Variants in FANCB observed in about 807,000 individuals in gnomAD.
The protein encoded by FANCB is Fanconi anemia group B protein.
In FANCB, 5 loss-of-function variants were observed where a neutral mutation model predicts 38.9. That is an observed-to-expected ratio of 0.13 (90% CI 0.07 to 0.27). The LOEUF (loss-of-function observed/expected upper bound fraction) is 0.27. Among genes scored for constraint, FANCB ranks in the 10% least tolerant of loss-of-function variants. The pLI, the probability that FANCB is intolerant of heterozygous loss-of-function variation, is 1.00. For missense variants in FANCB, 573 were observed against 602.7 expected (o/e 0.95, Z 0.52); for synonymous variants, 236 against 215.4 (o/e 1.10, Z -0.84).
At chrX:14,854,423 T>C (rs2092414961) in intron 5 of FANCB, among the ~76,000 whole-genome samples, 1 of 111,725 alleles carries the variant, frequency 9.0e-6, no homozygotes, top group East Asian at 2.8e-4. Flanking sequence ...GCTGTGAAGT[T>C]TTGCTATAAA....
the FANCB span, among the ~76,000 whole-genome samples, chrX:14,697,480 A>G: frequency 5.5e-4 from 58 of 106,234 alleles, 1 homozygote; most frequent in Non-Finnish European, 2.5e-4. Flanking sequence ...AAATAATAAT[A>G]ATCACTACTA....
chrX:14,779,769 T>C, the FANCB span, among the ~76,000 whole-genome samples: 9 of 110,862 alleles, frequency 8.1e-5, no homozygotes, highest in Non-Finnish European at 1.7e-4. Flanking sequence ...TAGTGGAAGA[T>C]AAGGTCTGAG....
the FANCB span, among the ~76,000 whole-genome samples, chrX:14,727,461 T>C: frequency 8.9e-6 from 1 of 112,113 alleles, no homozygotes. Context: ...TTCACACTGG[T>C]TGAGATCTAA....
chrX:14,842,532 C>T (rs73439489), downstream of FANCB, among the ~76,000 whole-genome samples: 1,041 of 111,842 alleles, frequency 9.3e-3, 5 homozygotes, highest in African/African-American at 0.031. Flanking sequence ...TTTCTCCTGA[C>T]GTTCTCTTAT....
At chrX:14,744,545 A>G in the FANCB span, among the ~76,000 whole-genome samples, 1 of 111,997 alleles carries the variant, frequency 8.9e-6, no homozygotes, top group Non-Finnish European at 1.9e-5. Context: ...ATGAACATTC[A>G]ATTTAAAAGA....
the FANCB span, among the ~76,000 whole-genome samples, chrX:14,791,511 T>C: frequency 1.8e-5 from 2 of 111,915 alleles, no homozygotes; most frequent in African/African-American, 6.5e-5. Context: ...CCGTTTGTGG[T>C]ACTTTGTAAC....
Position 14,865,480 on chromosome X carries a change from C to T in FANCB, c.31G>A (p.Glu11Lys), listed in dbSNP as rs370199124. Residue 11 changes from glutamate to lysine, a missense_variant, in exon 3 of 10, where the codon GAA (glutamate) becomes AAA (lysine). Glu to Lys is a moderately conservative substitution (Grantham distance 56, BLOSUM62 1). Transcript: ENST00000650831. The stretch of plus-strand genomic sequence containing the variant: ...TTATAACACAAGAGCCTTTCTTGTT[C>T]GTTAGATGACATTGCTTGTTTGCTA... The part of the protein sequence containing the change: MTSKQAMSSN[E>K]QERLLCYNGE... The T allele has an allele frequency of 8.3e-7, 1 of 1,203,470 alleles. No homozygotes were observed. Among genetic ancestry groups the T allele is most frequent in the Non-Finnish European group, 1.1e-6 (1 of 890,345 alleles).
chrX:14,722,015 C>G, the FANCB span, among the ~76,000 whole-genome samples: 1 of 112,163 alleles, frequency 8.9e-6, no homozygotes, highest in Admixed American at 9.5e-5. Flanking sequence ...CTTCCAGCTT[C>G]TGCCTGCTGC....
In FANCB at chrX:14,843,537, T is replaced by C; in HGVS notation, c.*30A>G. On this transcript the variant is annotated 3_prime_UTR_variant, in exon 10 of 10. Coordinates refer to ENST00000650831, the MANE Select transcript of FANCB (RefSeq NM_001018113.3). ...AATCTTATATGGTGGTGAAAACATA[T>C]TTTAAAATATGATCAAATTGAAATT... 9.2e-7 allele frequency: 1 copy of C among 1,088,671 alleles called. No homozygotes were observed. Among genetic ancestry groups the C allele is most frequent in the African/African-American group, 1.8e-5 (1 of 54,140 alleles). The allele number at this position is 1,088,671 out of a possible 1,213,427, so 89.7% of individuals were successfully genotyped here.
chrX:14,836,063 T>C (rs1021063077), exon 11 of FANCB: 1 of 112,349 alleles, frequency 8.9e-6, no homozygotes, highest in Admixed American at 9.5e-5. Flanking sequence ...ATGTGATATA[T>C]GTATACAATG....
At chrX:14,851,691 A>C (rs182241156) in intron 6 of FANCB, among the ~76,000 whole-genome samples, 123 of 112,163 alleles carry the variant, frequency 1.1e-3, no homozygotes, top group African/African-American at 3.8e-3. Flanking sequence ...TAGTGGTTTC[A>C]ATATATTAAT....
chrX:14,702,506 T>C, the FANCB span, among the ~76,000 whole-genome samples: 1 of 112,473 alleles, frequency 8.9e-6, no homozygotes. Context: ...ATGTATATTA[T>C]AAACTTACCA....
chrX:14,689,844 T>C, the FANCB span, among the ~76,000 whole-genome samples: 1 of 112,187 alleles, frequency 8.9e-6, no homozygotes, highest in African/African-American at 3.2e-5. Context: ...AAAATAATTG[T>C]AAGTCGAGTG....
chrX:14,730,745 GTCAGACATGATATGCGCAACAT>G, the FANCB span: 11 of 334,079 alleles, frequency 3.3e-5, no homozygotes, highest in South Asian at 1.1e-4. Context: ...TGTTCTTTCA[GTCAGACATGATATGCGCAACAT>G]TCAGACATGA....
At chrX:14,693,050 AAAAAAAAG>A in the FANCB span, among the ~76,000 whole-genome samples, 1 of 98,195 alleles carries the variant, frequency 1.0e-5, no homozygotes, top group African/African-American at 3.5e-5. Flanking sequence ...AATAACAAAA[AAAAAAAAG>A]AAAGAGGGAA....
At chrX:14,799,348 G>A in the FANCB span, among the ~76,000 whole-genome samples, 1 of 111,796 alleles carries the variant, frequency 8.9e-6, no homozygotes, top group Non-Finnish European at 1.9e-5. Context: ...ACTGGCCAGG[G>A]TTGAAGTCCT....
At chrX:14,822,064 T>C in the FANCB span, among the ~76,000 whole-genome samples, 1 of 111,420 alleles carries the variant, frequency 9.0e-6, no homozygotes, top group Non-Finnish European at 1.9e-5. Flanking sequence ...CTCACCAGAC[T>C]AGAGTGCAAG....
At chrX:14,721,660 TATG>T in the FANCB span, among the ~76,000 whole-genome samples, 1 of 111,468 alleles carries the variant, frequency 9.0e-6, no homozygotes, top group Non-Finnish European at 1.9e-5. Context: ...CCACCCTGTA[TATG>T]ATTTTTTCCC....
chrX:14,793,504 A>G, the FANCB span, among the ~76,000 whole-genome samples: 49 of 112,313 alleles, frequency 4.4e-4, 1 homozygote, highest in Admixed American at 4.6e-3. Flanking sequence ...TATACTCTAA[A>G]TGGGTGAATT....
Sources: gnomAD v4.1 joint callset for allele counts (sites outside exome capture counted in the v4.1 genomes callset) on GRCh38, gnomAD v4.1.1 for gene constraint, MANE v1.5 for transcripts, NCBI Gene and HGNC (gene_info 2026-07-23, HGNC 2026-07-21) for gene names.